Variants in ATXN7L1 observed in about 807,000 individuals in gnomAD.
ATXN7L1 encodes ataxin-7-like protein 1.
In ATXN7L1, 15 loss-of-function variants were observed where a neutral mutation model predicts 70.8. The observed-to-expected ratio is 0.21, with a 90% CI of 0.14 to 0.33. The LOEUF is 0.33. Ranked by LOEUF, ATXN7L1 falls within the 10% of genes least tolerant of loss-of-function variation. The probability of loss-of-function intolerance (pLI) is 1.00; values close to 1 mark genes in which losing one functional copy is unlikely to be tolerated. For synonymous variants in ATXN7L1, 440 were observed against 445.1 expected, an observed-to-expected ratio of 0.99 and a Z score of 0.14; for missense variants, 975 against 1,097.1, an observed-to-expected ratio of 0.89 and a Z score of 1.57.
Position 105,665,196 on chromosome 7 carries a change from C to T in ATXN7L1, c.448G>A (p.Ala150Thr), listed in dbSNP as rs1258461337. The change falls in exon 4 of 12, where the codon GCC (alanine) becomes ACC (threonine). Residue 150 changes from alanine to threonine, a missense_variant. By Grantham distance (58) the Ala-to-Thr change is moderately conservative. Transcript: ENST00000419735. Reference sequence around the variant, plus strand: ...GCAGAGTGATGGCCGCTGAGACAGGCTTTTGTTTTCACCTGTACTAGTGAT... The same window carrying T: ...GCAGAGTGATGGCCGCTGAGACAGGTTTTTGTTTTCACCTGTACTAGTGAT... The part of the protein sequence containing the change: ...RTSLVQVKTK[A>T]CLSGHHSASS... The T allele has an allele frequency of 1.9e-6, 3 of 1,551,552 alleles. No individual in the cohort carries two copies. Among genetic ancestry groups the T allele is most frequent in the Non-Finnish European group, 2.6e-6 (3 of 1,146,998 alleles).
rs768527097 is a variant in ATXN7L1, at chr7:105,662,106, CTTTTT to C, written c.578+2955_578+2959del. Among the ~76,000 whole-genome samples, 616 of 74,656 alleles carry C rather than the reference CTTTTT, an allele frequency of 8.3e-3. 9 individuals are homozygous for C. Among genetic ancestry groups the C allele is most frequent in the African/African-American group, 0.025 (580 of 23,004 alleles). The allele number at this position is 74,656 out of a possible 152,430, so 49.0% of individuals were successfully genotyped here. A position where few individuals can be genotyped will look rare whatever the true frequency, so the allele number is the denominator to read the frequency against. On this transcript the variant is annotated intron_variant, in intron 4 of 11. Coordinates refer to ENST00000419735, the MANE Select transcript of ATXN7L1 (RefSeq NM_020725.2). Reference sequence around the variant, plus strand: ...TCTTTCTTTTCTTTTCTTTTCTTTTCTTTTTTTTTTTTTTAAGCCAGAGTCTTGCC... The same window carrying C: ...TCTTTCTTTTCTTTTCTTTTCTTTTCTTTTTTTTTAAGCCAGAGTCTTGCC...
intron 3 of ATXN7L1, among the ~76,000 whole-genome samples, chr7:105,680,344 TG>T (rs1212991146): frequency 3.9e-5 from 6 of 152,276 alleles, no homozygotes; most frequent in African/African-American, 1.4e-4. Context: ...CCAGAGACAG[TG>T]AGTCCCCCGT....
chr7:105,824,521 G>A (rs1401703420), intron 2 of ATXN7L1, among the ~76,000 whole-genome samples: 2 of 151,896 alleles, frequency 1.3e-5, no homozygotes, highest in Admixed American at 1.3e-4. Flanking sequence ...AAGAGCTCTT[G>A]GAAATTAAAA....
At chr7:105,827,514 T>C (rs963236010) in intron 2 of ATXN7L1, among the ~76,000 whole-genome samples, 2 of 152,234 alleles carry the variant, frequency 1.3e-5, no homozygotes, top group African/African-American at 4.8e-5. Flanking sequence ...TTCACTTATA[T>C]ACCAAAGTTT....
intron 2 of ATXN7L1, among the ~76,000 whole-genome samples, chr7:105,851,195 C>G (rs961665154): frequency 1.3e-5 from 2 of 152,148 alleles, no homozygotes. Flanking sequence ...TGACTTATCC[C>G]TAATCTTCCT....
rs1792693724 is a variant in ATXN7L1, at chr7:105,605,041, G to GTTT, written c.*2810_*2811insAAA. The GTTT allele has an allele frequency of 1.7e-5, 1 of 58,774 alleles. No homozygotes were observed. Among genetic ancestry groups the GTTT allele is most frequent in the Non-Finnish European group, 3.8e-5 (1 of 26,632 alleles). 3.6% of individuals were successfully genotyped at this position (58,774 alleles called of 1,614,324 possible). A position where few individuals can be genotyped will look rare whatever the true frequency, so the allele number is the denominator to read the frequency against. On this transcript the variant is annotated 3_prime_UTR_variant, in exon 12 of 12. Transcript: ENST00000419735. ...AGAAGGCATACAAGTTATCCAAGTC[G>GTTT]CTTTTTTTTTTTTTTTTTTTTTTTT...
intron 3 of ATXN7L1, among the ~76,000 whole-genome samples, chr7:105,771,964 A>G (rs1442200114): frequency 6.6e-6 from 1 of 152,190 alleles, no homozygotes; most frequent in East Asian, 1.9e-4. Context: ...GTAAACGGAA[A>G]TATAAATTAG....
intron 3 of ATXN7L1, among the ~76,000 whole-genome samples, chr7:105,681,156 G>C (rs1443120639): frequency 7.2e-5 from 11 of 152,226 alleles, no homozygotes; most frequent in Non-Finnish European, 1.3e-4. Context: ...GCTGGGCACG[G>C]TTGCTCACGC....
chr7:105,646,168 C>T lies in ATXN7L1; in HGVS notation c.579-3047G>A, dbSNP rs139422583. 9.9e-5 allele frequency among the ~76,000 whole-genome samples: 15 copies of T among 151,974 alleles called. No individual in the cohort carries two copies. The East Asian group carries it at 2.9e-3, about 29-fold the overall frequency. On this transcript the variant is annotated intron_variant, in intron 4 of 11. Transcript: ENST00000419735. ...TCTACAAAATAGAAATAAAAATTAG[C>T]CAGGCATGGTGGCATGTGCCTGTAG...
chr7:105,655,424 C>G (rs1800466401), intron 4 of ATXN7L1, among the ~76,000 whole-genome samples: 1 of 152,182 alleles, frequency 6.6e-6, no homozygotes, highest in Non-Finnish European at 1.5e-5. Flanking sequence ...AGAACGGGCT[C>G]ACATCACTCT....
rs1376670636 is a variant in ATXN7L1, at chr7:105,787,969, G to A, written c.355+635C>T. ...GCCAAATGGCTGTTTATTCATCCCC[G>A]GGGTGGGGCAGCCACGTGGACTTTA... On this transcript the variant is annotated intron_variant, in intron 3 of 11. Transcript: ENST00000419735. Among the ~76,000 whole-genome samples, 6 of 152,294 alleles carry A rather than the reference G, an allele frequency of 3.9e-5. No homozygotes were observed. The South Asian group carries it at 1.0e-3, about 26-fold the overall frequency.
intron 2 of ATXN7L1, among the ~76,000 whole-genome samples, chr7:105,800,989 G>T (rs941311384): frequency 6.6e-6 from 1 of 152,120 alleles, no homozygotes; most frequent in Admixed American, 6.5e-5. Context: ...GAGTCAGATC[G>T]CCTGAACTTG....
chr7:105,787,051 C>T (rs1178379841), intron 3 of ATXN7L1, among the ~76,000 whole-genome samples: 1 of 102,800 alleles, frequency 9.7e-6, no homozygotes, highest in African/African-American at 5.8e-5. Context: ...CCTGTCATCT[C>T]AGCTGGTGGT....
intron 4 of ATXN7L1, among the ~76,000 whole-genome samples, chr7:105,659,814 C>T (rs1173405709): frequency 6.6e-6 from 1 of 152,176 alleles, no homozygotes; most frequent in Non-Finnish European, 1.5e-5. Flanking sequence ...ACTCTCTAGT[C>T]CTGGCCCATA....
chr7:105,809,577 A>G (rs898276097), intron 2 of ATXN7L1, among the ~76,000 whole-genome samples: 1 of 152,132 alleles, frequency 6.6e-6, no homozygotes, highest in Non-Finnish European at 1.5e-5. Context: ...TCAAATATAT[A>G]TCCTTACAAT....
chr7:105,854,958 C>CTT (rs34345388), intron 2 of ATXN7L1, among the ~76,000 whole-genome samples: 1 of 130,394 alleles, frequency 7.7e-6, no homozygotes, highest in African/African-American at 2.9e-5. Context: ...TCTTCTTCTT[C>CTT]TTTTTTTTTT....
rs971037024 is a variant in ATXN7L1 at position 105,617,932 on chromosome 7, G to A, written c.1517+2268C>T. On this transcript the variant is annotated intron_variant, in intron 9 of 11. Transcript: ENST00000419735. ...CTGCCATCCCTCCAGGTTCGGGCCC[G>A]CCGGGGCCTGGGGTTTGGGCAGCGA... 8.8e-6 allele frequency: 4 copies of A among 456,638 alleles called. No individual in the cohort carries two copies. The East Asian group carries it at 2.1e-4, about 24-fold the overall frequency. The allele number at this position is 456,638 out of a possible 1,614,324, so 28.3% of individuals were successfully genotyped here. A position where few individuals can be genotyped will look rare whatever the true frequency, so the allele number is the denominator to read the frequency against.
intron 3 of ATXN7L1, among the ~76,000 whole-genome samples, chr7:105,782,441 C>G (rs1803666512): frequency 6.6e-6 from 1 of 152,192 alleles, no homozygotes; most frequent in African/African-American, 2.4e-5. Context: ...ACTTAGGAAA[C>G]AGACCCTAGG....
In ATXN7L1 at chr7:105,629,525, T is replaced by G. The variant is rs532686116; in HGVS notation, c.1203-5258A>C. 9.9e-4 allele frequency among the ~76,000 whole-genome samples: 148 copies of G among 149,674 alleles called. 2 individuals carry two copies. Among genetic ancestry groups the G allele is most frequent in the African/African-American group, 3.3e-3 (137 of 41,086 alleles). ...TTATTATTATTGTTACTTATTTATT[T>G]TTTTTTTGGAGATGGAGTCTCCCTC... On this transcript the variant is annotated intron_variant, in intron 7 of 11. Transcript: ENST00000419735.
Sources: gnomAD v4.1 joint callset for allele counts (sites outside exome capture counted in the v4.1 genomes callset) on GRCh38, gnomAD v4.1.1 for gene constraint, MANE v1.5 for transcripts, NCBI Gene and HGNC (gene_info 2026-07-23, HGNC 2026-07-21) for gene names.